The following DMXL2 variants were observed in gnomAD, a reference collection of about 807,000 sequenced individuals.
DMXL2 encodes the protein dmX-like protein 2.
A neutral mutation model predicts 331.1 loss-of-function variants in DMXL2; 103 were observed. That is an observed-to-expected ratio of 0.31 (90% CI 0.27 to 0.37). The LOEUF is 0.37. DMXL2 is among the 10% of genes least tolerant of loss of function. DMXL2 has a pLI of 1.00. For missense variants in DMXL2, 3,171 were observed against 3,642.9 expected, an observed-to-expected ratio of 0.87 and a Z score of 3.33; for synonymous variants, 1,281 against 1,252.1, an observed-to-expected ratio of 1.02 and a Z score of -0.49.
intron 2 of DMXL2, among the ~76,000 whole-genome samples, chr15:51,575,837 T>C (rs1250943847): frequency 6.6e-6 from 1 of 152,144 alleles, no homozygotes; most frequent in Non-Finnish European, 1.5e-5. Flanking sequence ...CTACAGATCT[T>C]TGAAGACAGT....
intron 42 of DMXL2, among the ~76,000 whole-genome samples, chr15:51,451,097 A>G (rs1440814700): frequency 6.6e-6 from 1 of 152,168 alleles, no homozygotes; most frequent in Non-Finnish European, 1.5e-5. Flanking sequence ...CACTGTTTAC[A>G]TTTCTAGTCA....
chr15:51,455,262 C>G (rs1273063594), intron 39 of DMXL2, 34 bp from the exon 40 acceptor site: 1 of 1,547,274 alleles, frequency 6.5e-7, no homozygotes, highest in Non-Finnish European at 8.9e-7. Context: ...AACACATGTT[C>G]TTAGCATCCA....
chr15:51,543,193 T>A (rs979939067), intron 8 of DMXL2, among the ~76,000 whole-genome samples: 2 of 152,166 alleles, frequency 1.3e-5, no homozygotes, highest in African/African-American at 4.8e-5. Flanking sequence ...TTATCTTTTT[T>A]CTCCATATCA....
chr15:51,455,583 G>C (rs1432580968), intron 39 of DMXL2, among the ~76,000 whole-genome samples: 1 of 152,074 alleles, frequency 6.6e-6, no homozygotes, highest in Non-Finnish European at 1.5e-5. Flanking sequence ...GTAGGGATGT[G>C]GTCTCCCTTT....
At chr15:51,528,910 C>T (rs2047840045) in intron 13 of DMXL2, among the ~76,000 whole-genome samples, 1 of 152,138 alleles carries the variant, frequency 6.6e-6, no homozygotes, top group African/African-American at 2.4e-5. Flanking sequence ...TATCAAGCAT[C>T]TTCTCTGACC....
chr15:51,564,465 T>A (rs1033730561), intron 4 of DMXL2, among the ~76,000 whole-genome samples: 2 of 151,978 alleles, frequency 1.3e-5, no homozygotes, highest in Non-Finnish European at 2.9e-5. Flanking sequence ...TAAGGAAGAT[T>A]TGAGAACAAC....
intron 18 of DMXL2, among the ~76,000 whole-genome samples, chr15:51,495,527 A>G (rs1440492297): frequency 6.6e-6 from 1 of 152,206 alleles, no homozygotes; most frequent in Non-Finnish European, 1.5e-5. Context: ...ACTGATGTGA[A>G]ATCATTTGTT....
intron 1 of DMXL2, among the ~76,000 whole-genome samples, chr15:51,587,172 A>G (rs1223818390): frequency 6.6e-6 from 1 of 152,144 alleles, no homozygotes; most frequent in African/African-American, 2.4e-5. Flanking sequence ...AATAAAAATA[A>G]CTTTTTTTAT....
Position 51,450,285 on chromosome 15 carries a change from T to A in DMXL2, c.8811A>T (p.Leu2937=), listed in dbSNP as rs1033834231. ...CGTGTCCTTTCCTACCCCCCGAGAT[T>A]AGGAGTTGCTGTTTGGGTGCATACT... ...VLQYAPKQQL[L]ISGGRKGHVC... is the part of the protein sequence containing the mutation. The change falls in exon 43 of 44, where the codon CTA becomes CTT. Residue 2937 remains leucine, a synonymous_variant. Coordinates refer to ENST00000560891, the MANE Select transcript of DMXL2 (RefSeq NM_001378457.1). 16 of 1,613,604 alleles carry A rather than the reference T, an allele frequency of 9.9e-6. No individual in the cohort carries two copies. Among genetic ancestry groups the A allele is most frequent in the Middle Eastern group, 1.6e-4 (1 of 6,084 alleles).
At chr15:51,569,374 G>C (rs527859286) in intron 2 of DMXL2, among the ~76,000 whole-genome samples, 1 of 152,120 alleles carries the variant, frequency 6.6e-6, no homozygotes, top group Non-Finnish European at 1.5e-5. Context: ...CAGAGCACGT[G>C]GGGGAAGGGG....
intron 1 of DMXL2, among the ~76,000 whole-genome samples, chr15:51,622,001 C>G (rs1318397119): frequency 6.6e-6 from 1 of 152,192 alleles, no homozygotes; most frequent in Non-Finnish European, 1.5e-5. Flanking sequence ...CAGGGGGAGC[C>G]AAGGCGCAGC....
At chr15:51,479,028 G>A (rs2041810279) in intron 25 of DMXL2, among the ~76,000 whole-genome samples, 1 of 152,002 alleles carries the variant, frequency 6.6e-6, no homozygotes, top group Non-Finnish European at 1.5e-5. Flanking sequence ...ACCTTATACA[G>A]ATTACTCTTT....
intron 32 of DMXL2, among the ~76,000 whole-genome samples, chr15:51,464,348 T>C (rs9806124): frequency 0.075 from 11,350 of 152,148 alleles, 1,283 homozygotes; most frequent in African/African-American, 0.25. Flanking sequence ...TGCAGTGAGC[T>C]GAGATTGCAC....
At chr15:51,502,542 C>T (rs1439633960) in intron 17 of DMXL2, among the ~76,000 whole-genome samples, 2 of 152,052 alleles carry the variant, frequency 1.3e-5, no homozygotes, top group Admixed American at 6.5e-5. Flanking sequence ...AGGGTGGTCT[C>T]GAACTACTGA....
chr15:51,459,839 G>A, intron 33 of DMXL2, 179 bp from the exon 34 acceptor site: 4 of 1,158,240 alleles, frequency 3.5e-6, no homozygotes, highest in South Asian at 1.8e-5. Context: ...ACAACACAAA[G>A]CCAAAAGAGC....
At chr15:51,577,383 G>A (rs1340161589) in intron 1 of DMXL2, among the ~76,000 whole-genome samples, 1 of 152,104 alleles carries the variant, frequency 6.6e-6, no homozygotes, top group Non-Finnish European at 1.5e-5. Flanking sequence ...AACTTCCAAT[G>A]TTACCAAAAT....
rs145645845 is a variant in DMXL2, at chr15:51,499,558, G to A, written c.3666C>T (p.Ile1222=). The A allele has an allele frequency of 6.2e-7, 1 of 1,614,100 alleles. No homozygotes were observed. Among genetic ancestry groups the A allele is most frequent in the African/African-American group, 1.3e-5 (1 of 75,036 alleles). The change falls in exon 18 of 44, where the codon ATC becomes ATT. Residue 1222 remains isoleucine, a synonymous_variant. Transcript: ENST00000560891. ...AVITLPLGGS[I]KQGVKSRWVL... ...CCCATCTTGACTTAACTCCTTGCTT[G>A]ATACTACCACCTAGTGGTAAAGTGA...
At chr15:51,575,469 C>T (rs2050962265) in intron 2 of DMXL2, among the ~76,000 whole-genome samples, 1 of 152,082 alleles carries the variant, frequency 6.6e-6, no homozygotes, top group African/African-American at 2.4e-5. Flanking sequence ...ATTTACTTGA[C>T]ATGCCACCAA....
rs2039149916 is a variant in DMXL2, at chr15:51,451,642, C to T, written c.8749+3G>A. ...TTTTTAAAAATCATAGACCTTAACTCACCATGAATGAGGCTGTTTCCGGGT... is the reference window on the plus strand; with the variant it reads ...TTTTTAAAAATCATAGACCTTAACTTACCATGAATGAGGCTGTTTCCGGGT... On this transcript the variant is annotated splice_donor_region_variant and intron_variant, in intron 42 of 43. Transcript: ENST00000560891. 1 of 1,610,906 alleles carries T rather than the reference C, an allele frequency of 6.2e-7. No homozygotes were observed. The highest frequency in any genetic ancestry group is 2.2e-5 in the East Asian group (1 of 44,810).
Sources: gnomAD v4.1 joint callset for allele counts (sites outside exome capture counted in the v4.1 genomes callset) on GRCh38, gnomAD v4.1.1 for gene constraint, MANE v1.5 for transcripts, NCBI Gene and HGNC (gene_info 2026-07-23, HGNC 2026-07-21) for gene names.